ZBTB40: variants seen among roughly 807,000 people sequenced by gnomAD.
The protein encoded by ZBTB40 is zinc finger and BTB domain-containing protein 40.
ZBTB40 carries 60 observed loss-of-function variants against 117.5 expected under a neutral mutation model. The ratio of observed to expected loss-of-function variants is 0.51; its 90% CI spans 0.41 to 0.63. The LOEUF is 0.63. Ranked by LOEUF, ZBTB40 falls within the 30% of genes least tolerant of loss-of-function variation. The probability of loss-of-function intolerance (pLI) is 0.00; values close to 1 mark genes in which losing one functional copy is unlikely to be tolerated. For synonymous variants in ZBTB40, 525 were observed against 577.1 expected, an observed-to-expected ratio of 0.91 and a Z score of 1.29; for missense variants, 1,287 against 1,498.5, an observed-to-expected ratio of 0.86 and a Z score of 2.33.
At chr1:22,477,952 CTT>C (rs1641590539) in intron 1 of ZBTB40, among the ~76,000 whole-genome samples, 1 of 152,186 alleles carries the variant, frequency 6.6e-6, no homozygotes, top group Admixed American at 6.5e-5. Flanking sequence ...TTTTATACCT[CTT>C]GTTTGTAAAT....
chr1:22,455,659 T>G (rs1640987847), intron 1 of ZBTB40, among the ~76,000 whole-genome samples: 1 of 152,172 alleles, frequency 6.6e-6, no homozygotes, highest in Non-Finnish European at 1.5e-5. Context: ...GAGCAGGTGC[T>G]AACACTAGCT....
At chr1:22,470,823 G>A (rs1166227667) in intron 1 of ZBTB40, among the ~76,000 whole-genome samples, 1 of 152,174 alleles carries the variant, frequency 6.6e-6, no homozygotes, top group Non-Finnish European at 1.5e-5. Flanking sequence ...GCCGGGTTGT[G>A]GGGCCAGGCA....
At chr1:22,473,611 T>C (rs1376739390) in intron 1 of ZBTB40, among the ~76,000 whole-genome samples, 1 of 152,182 alleles carries the variant, frequency 6.6e-6, no homozygotes, top group Non-Finnish European at 1.5e-5. Flanking sequence ...AGCCATGCGA[T>C]GTGAATTGGT....
At chr1:22,502,520 T>TTA (rs1638966310) in intron 5 of ZBTB40, 79 bp downstream of exon 5, 3 of 1,585,062 alleles carry the variant, frequency 1.9e-6, no homozygotes, top group Admixed American at 1.7e-5. Context: ...ACATAGCACT[T>TTA]TATACTTTGC....
At chr1:22,429,656 G>A (rs1640550700) in intron 1 of ZBTB40, among the ~76,000 whole-genome samples, 1 of 152,132 alleles carries the variant, frequency 6.6e-6, no homozygotes. Context: ...TACTGGGCTG[G>A]TTTCCATATT....
chr1:22,491,572 G>A (rs1349985086), intron 3 of ZBTB40, 39 bp downstream of exon 3: 4 of 1,609,468 alleles, frequency 2.5e-6, no homozygotes, highest in South Asian at 1.1e-5. Context: ...TGCTAGTTTA[G>A]TGTTCTCAGG....
intron 14 of ZBTB40, 59 bp from the exon 15 acceptor site, chr1:22,521,437 G>A (rs747386453): frequency 2.4e-5 from 38 of 1,602,496 alleles, no homozygotes; most frequent in Middle Eastern, 1.7e-4. Flanking sequence ...TGAGAGCCTC[G>A]TGAGCTCTCC....
intron 3 of ZBTB40, among the ~76,000 whole-genome samples, chr1:22,500,413 A>G (rs985937838): frequency 2.3e-4 from 35 of 152,318 alleles, no homozygotes; most frequent in African/African-American, 8.2e-4. Flanking sequence ...AGTTTGCATA[A>G]AGGTGATAGT....
At chr1:22,511,429 A>C in intron 10 of ZBTB40, 82 bp downstream of exon 10, 1 of 1,561,476 alleles carries the variant, frequency 6.4e-7, no homozygotes, top group Non-Finnish European at 8.7e-7. Flanking sequence ...ATTTCATATC[A>C]TAGTTTATCA....
intron 1 of ZBTB40, chr1:22,452,673 C>G (rs1640909558): frequency 1.3e-5 from 2 of 152,328 alleles, no homozygotes; most frequent in African/African-American, 2.4e-5. Flanking sequence ...AGTTTACTGA[C>G]CCCTGCCCTA....
chr1:22,523,519 C>G lies in ZBTB40; in HGVS notation c.3299-699C>G, dbSNP rs112558525. Among the ~76,000 whole-genome samples the G allele has an allele frequency of 3.4e-3, 524 of 152,298 alleles. 4 individuals are homozygous for G. Among genetic ancestry groups the G allele is most frequent in the African/African-American group, 0.012 (489 of 41,540 alleles). On this transcript the variant is annotated intron_variant, in intron 16 of 17. Coordinates refer to ENST00000375647, the MANE Select transcript of ZBTB40 (RefSeq NM_014870.4). Reference sequence around the variant, plus strand: ...TTCCACACAGTGTTTACTCTGCCATCAAGAACATTGATGATGGAACGCATA... The same window carrying G: ...TTCCACACAGTGTTTACTCTGCCATGAAGAACATTGATGATGGAACGCATA...
intron 13 of ZBTB40, chr1:22,519,634 G>A (rs1367247079): frequency 3.8e-6 from 1 of 265,548 alleles, no homozygotes; most frequent in African/African-American, 2.2e-5. Flanking sequence ...CCCTCCACTT[G>A]TGCTGTTGAT....
At chr1:22,507,949 T>C in intron 6 of ZBTB40, 52 bp from the exon 7 acceptor site, 1 of 1,613,698 alleles carries the variant, frequency 6.2e-7, no homozygotes, top group Non-Finnish European at 8.5e-7. Flanking sequence ...TGGAGTCTTC[T>C]GTAGGAGGTT....
chr1:22,429,758 C>G (rs1254677756), intron 1 of ZBTB40, among the ~76,000 whole-genome samples: 5 of 151,952 alleles, frequency 3.3e-5, no homozygotes, highest in Admixed American at 3.3e-4. Flanking sequence ...TTTGGGAGGC[C>G]GAGGCGGGTG....
At chr1:22,504,557 C>G (rs1421897585) in intron 5 of ZBTB40, among the ~76,000 whole-genome samples, 1 of 152,190 alleles carries the variant, frequency 6.6e-6, no homozygotes, top group Non-Finnish European at 1.5e-5. Context: ...AATTAGACTT[C>G]TAATCCAAGC....
Position 22,469,332 on chromosome 1 carries a change from A to G in ZBTB40, c.-70+17328A>G, listed in dbSNP as rs541830665. ...TATTACTTCTTTTTTTTTAAGAGAC[A>G]CAGTCTCACTATGTTGCCCAGGATA... On this transcript the variant is annotated intron_variant, in intron 1 of 17. Transcript: ENST00000375647. Among the ~76,000 whole-genome samples, 157 of 151,918 alleles carry G rather than the reference A, an allele frequency of 1.0e-3. 1 individual carries two copies. The highest frequency in any genetic ancestry group is 3.6e-3 in the African/African-American group (149 of 41,418).
intron 1 of ZBTB40, among the ~76,000 whole-genome samples, chr1:22,459,415 T>G (rs1007467385): frequency 2.0e-5 from 3 of 152,232 alleles, no homozygotes; most frequent in Non-Finnish European, 2.9e-5. Flanking sequence ...TGATTTTATC[T>G]TTATCCCAAT....
At chr1:22,522,201 C>T (rs370238012) in intron 15 of ZBTB40, among the ~76,000 whole-genome samples, 176 bp from the exon 16 acceptor site, 3 of 152,324 alleles carry the variant, frequency 2.0e-5, no homozygotes, top group South Asian at 4.1e-4. Context: ...GGATCCAGAT[C>T]TCATGCTCTT....
rs542451325 is a variant in ZBTB40 at position 22,528,353 on chromosome 1, C to G, written c.*1957C>G. The G allele has an allele frequency of 7.2e-5, 11 of 152,398 alleles. No individual in the cohort carries two copies. In the South Asian group the frequency reaches 2.1e-3, roughly 29 times the overall value. The allele number at this position is 152,398 out of a possible 1,614,324, so 9.4% of individuals were successfully genotyped here. A position where few individuals can be genotyped will look rare whatever the true frequency, so the allele number is the denominator to read the frequency against. ...GCTGTGGGATGGGGCTTGGGAGTTG[C>G]AGTGAATGTCATTAAAATTTCTTCC... On this transcript the variant is annotated 3_prime_UTR_variant, in exon 18 of 18. Coordinates refer to ENST00000375647, the MANE Select transcript of ZBTB40 (RefSeq NM_014870.4).
Sources: gnomAD v4.1 joint callset for allele counts (sites outside exome capture counted in the v4.1 genomes callset) on GRCh38, gnomAD v4.1.1 for gene constraint, MANE v1.5 for transcripts, NCBI Gene and HGNC (gene_info 2026-07-23, HGNC 2026-07-21) for gene names.